CDC42BPA: variants seen among roughly 807,000 people sequenced by gnomAD.
The protein encoded by CDC42BPA is serine/threonine-protein kinase MRCK alpha.
In CDC42BPA, 80 loss-of-function variants were observed where a neutral mutation model predicts 223.5. The ratio of observed to expected loss-of-function variants is 0.36; its 90% CI spans 0.30 to 0.43. The LOEUF (loss-of-function observed/expected upper bound fraction) is 0.43. Ranked by LOEUF, CDC42BPA falls within the 20% of genes least tolerant of loss-of-function variation. The pLI is 1.00. For missense variants in CDC42BPA, 1,743 were observed against 2,099.9 expected (o/e 0.83, Z 3.32); for synonymous variants, 694 against 718.6 (o/e 0.97, Z 0.55).
At chr1:227,082,714 C>CA (rs71574595) in intron 16 of CDC42BPA, among the ~76,000 whole-genome samples, 7,521 of 59,188 alleles carry the variant, frequency 0.13, 858 homozygotes, top group Non-Finnish European at 0.15. Flanking sequence ...GACTCTGTCT[C>CA]AAAAAAAAAA....
At chr1:227,030,259 T>C in intron 29 of CDC42BPA, 149 bp downstream of exon 29, 1 of 590,174 alleles carries the variant, frequency 1.7e-6, no homozygotes, top group Admixed American at 3.6e-5. Context: ...AAATAATCTT[T>C]TAATTTATAA....
At chr1:227,150,471 A>T (rs1055403135) in intron 6 of CDC42BPA, among the ~76,000 whole-genome samples, 1 of 152,196 alleles carries the variant, frequency 6.6e-6, no homozygotes, top group Non-Finnish European at 1.5e-5. Flanking sequence ...AATTGTCAAT[A>T]TAGTATTACC....
At position 227,095,556 on chromosome 1, in the gene CDC42BPA, T is replaced by A. The variant is rs189085031; in HGVS notation, c.2250-3565A>T. Among the ~76,000 whole-genome samples the A allele has an allele frequency of 2.6e-5, 4 of 151,450 alleles. No homozygotes were observed. In the East Asian group the frequency reaches 7.8e-4, roughly 29 times the overall value. ...CACAGTTTTAATAAGACTTAAAAAA[T>A]CTTCTAAGGAAAAAAGGGGAATAAG... On this transcript the variant is annotated intron_variant, in intron 15 of 36. Coordinates refer to ENST00000366766, the MANE Select transcript of CDC42BPA (RefSeq NM_001394014.1).
chr1:227,144,851 C>G (rs2149665953), intron 8 of CDC42BPA, among the ~76,000 whole-genome samples: 1 of 152,140 alleles, frequency 6.6e-6, no homozygotes. Flanking sequence ...GGACTATTTT[C>G]CCTATTGATT....
At chr1:227,029,420 C>T (rs944852294) in intron 29 of CDC42BPA, among the ~76,000 whole-genome samples, 170 bp from the exon 30 acceptor site, 1 of 152,184 alleles carries the variant, frequency 6.6e-6, no homozygotes, top group African/African-American at 2.4e-5. Flanking sequence ...ATTTAACTCA[C>T]CTATAGTACG....
rs1309498246 is a variant in CDC42BPA at position 227,230,812 on chromosome 1, C to CTTTTTTTTTTT, written c.271-17594_271-17593insAAAAAAAAAAA. Among the ~76,000 whole-genome samples the CTTTTTTTTTTT allele has an allele frequency of 3.0e-4, 34 of 111,754 alleles. 2 individuals are homozygous for CTTTTTTTTTTT. Among genetic ancestry groups the CTTTTTTTTTTT allele is most frequent in the South Asian group, 6.1e-4 (2 of 3,258 alleles). 73.3% of individuals were successfully genotyped at this position (111,754 alleles called of 152,430 possible). ...GCTAACTGATTTCTATTTCTTTTTT[C>CTTTTTTTTTTT]TTTCTTTCTTTTTTTTTTTTTTTTT... On this transcript the variant is annotated intron_variant, in intron 2 of 36. Transcript: ENST00000366766.
chr1:227,008,090 T>C (rs1344926363), intron 34 of CDC42BPA, among the ~76,000 whole-genome samples: 1 of 152,166 alleles, frequency 6.6e-6, no homozygotes, highest in African/African-American at 2.4e-5. Context: ...CTGACTGTTA[T>C]TACAACAACA....
chr1:227,299,812 T>C (rs973060950), intron 1 of CDC42BPA, among the ~76,000 whole-genome samples: 3 of 152,192 alleles, frequency 2.0e-5, no homozygotes, highest in Non-Finnish European at 4.4e-5. Flanking sequence ...TGATTTCTCA[T>C]ACAAGGAAGC....
intron 14 of CDC42BPA, among the ~76,000 whole-genome samples, chr1:227,107,465 G>C (rs941288772): frequency 2.0e-5 from 3 of 152,246 alleles, no homozygotes; most frequent in Admixed American, 2.0e-4. Flanking sequence ...CTGTCACCCA[G>C]GCTGGAATGC....
intron 26 of CDC42BPA, among the ~76,000 whole-genome samples, chr1:227,034,180 A>T (rs2148692186): frequency 6.6e-6 from 1 of 152,288 alleles, no homozygotes. Flanking sequence ...TAGTGCCTGG[A>T]GTTAGGAGAA....
At chr1:227,091,093 A>G (rs1682990031) in intron 16 of CDC42BPA, among the ~76,000 whole-genome samples, 1 of 152,128 alleles carries the variant, frequency 6.6e-6, no homozygotes, top group South Asian at 2.1e-4. Flanking sequence ...GTGAATATGA[A>G]TCAGCTGTTA....
chr1:227,263,501 T>C (rs1427443471), intron 1 of CDC42BPA, among the ~76,000 whole-genome samples: 1 of 152,128 alleles, frequency 6.6e-6, no homozygotes, highest in African/African-American at 2.4e-5. Context: ...CTACAAGTCA[T>C]TGCAGAGGCA....
chr1:227,257,363 T>C (rs1380744529), intron 1 of CDC42BPA, among the ~76,000 whole-genome samples: 1 of 144,988 alleles, frequency 6.9e-6, no homozygotes, highest in Non-Finnish European at 1.5e-5. Flanking sequence ...TTTACCACAA[T>C]TTTTAAAAAT....
chr1:227,117,467 C>T (rs905430221), intron 12 of CDC42BPA, among the ~76,000 whole-genome samples: 1 of 151,822 alleles, frequency 6.6e-6, no homozygotes, highest in African/African-American at 2.4e-5. Flanking sequence ...CAGGTGTGCA[C>T]CACCCAGCTA....
intron 16 of CDC42BPA, among the ~76,000 whole-genome samples, chr1:227,082,671 C>T (rs997673480): frequency 6.7e-5 from 9 of 134,050 alleles, no homozygotes; most frequent in Admixed American, 4.2e-4. Flanking sequence ...GCTGAGATTG[C>T]GTCACTGCAC....
In CDC42BPA at chr1:227,243,563, T is replaced by C. The variant is rs187517205; in HGVS notation, c.270+10501A>G. 4.0e-3 allele frequency among the ~76,000 whole-genome samples: 605 copies of C among 152,204 alleles called. 2 individuals carry two copies. Among genetic ancestry groups the C allele is most frequent in the Non-Finnish European group, 5.7e-3 (389 of 67,996 alleles). On this transcript the variant is annotated intron_variant, in intron 2 of 36. Coordinates refer to ENST00000366766, the MANE Select transcript of CDC42BPA (RefSeq NM_001394014.1). ...AATGTGAAAGGTTTGTCTTGAAAGA[T>C]CAAAGAAAGAATTTATTTTAATTAT...
At chr1:227,293,008 G>A (rs1558972583) in intron 1 of CDC42BPA, among the ~76,000 whole-genome samples, 1 of 152,104 alleles carries the variant, frequency 6.6e-6, no homozygotes, top group South Asian at 2.1e-4. Flanking sequence ...TGGAGTTTTA[G>A]ATGTTATTTC....
chr1:227,071,691 C>G (rs1678367312), intron 20 of CDC42BPA, among the ~76,000 whole-genome samples: 1 of 145,932 alleles, frequency 6.9e-6, no homozygotes, highest in Non-Finnish European at 1.5e-5. Flanking sequence ...ATTGTTTCCT[C>G]AACTACCCTG....
chr1:227,082,394 CTTTA>C (rs1454054308), intron 16 of CDC42BPA, among the ~76,000 whole-genome samples: 2 of 151,804 alleles, frequency 1.3e-5, no homozygotes, highest in African/African-American at 2.4e-5. Context: ...CCTGCAACAC[CTTTA>C]TTTTTCTTTT....
Sources: gnomAD v4.1 joint callset for allele counts (sites outside exome capture counted in the v4.1 genomes callset) on GRCh38, gnomAD v4.1.1 for gene constraint, MANE v1.5 for transcripts, NCBI Gene and HGNC (gene_info 2026-07-23, HGNC 2026-07-21) for gene names.